The following DNAAF5 variants were observed in gnomAD, a reference collection of about 807,000 sequenced individuals.
DNAAF5 encodes the protein HEAT repeat containing 2.
DNAAF5 carries 64 observed loss-of-function variants against 75.8 expected under a neutral mutation model. That is an observed-to-expected ratio of 0.84 (90% confidence interval 0.69 to 1.04). The LOEUF is 1.04. Among genes scored for constraint, DNAAF5 ranks in the 50% least tolerant of loss-of-function variants. The pLI is 0.00. For synonymous variants in DNAAF5, 657 were observed against 557.2 expected (o/e 1.18, Z -2.52); for missense variants, 1,269 against 1,178.5 (o/e 1.08, Z -1.12).
At chr7:751,480 A>G (rs1305721868) in intron 4 of DNAAF5, among the ~76,000 whole-genome samples, 1 of 151,544 alleles carries the variant, frequency 6.6e-6, no homozygotes, top group Non-Finnish European at 1.5e-5. Context: ...AGCCTGGGTG[A>G]CAGAGTGAGA....
At chr7:732,244 A>G (rs1781608825) in intron 2 of DNAAF5, among the ~76,000 whole-genome samples, 3 of 152,200 alleles carry the variant, frequency 2.0e-5, no homozygotes, top group South Asian at 2.1e-4. Context: ...GGGCTAATGC[A>G]TCTCCCCACG....
At chr7:734,580 A>G (rs961420083) in intron 2 of DNAAF5, among the ~76,000 whole-genome samples, 7 of 152,210 alleles carry the variant, frequency 4.6e-5, no homozygotes, top group African/African-American at 1.7e-4. Flanking sequence ...TCAGGGTAGT[A>G]CTGGCCTCAT....
intron 11 of DNAAF5, chr7:778,614 C>T (rs1778840164): frequency 2.0e-5 from 3 of 152,322 alleles, no homozygotes; most frequent in South Asian, 4.1e-4. Flanking sequence ...CTTCCATAGT[C>T]GACCGCGCCA....
intron 6 of DNAAF5, 101 bp from the exon 7 acceptor site, chr7:761,652 A>C: frequency 7.8e-7 from 1 of 1,276,784 alleles, no homozygotes; most frequent in Non-Finnish European, 1.1e-6. Context: ...GGTCCCTCCC[A>C]GGATACGTGG....
chr7:762,036 A>G, intron 7 of DNAAF5, 140 bp downstream of exon 7: 1 of 292,118 alleles, frequency 3.4e-6, no homozygotes. Context: ...CTTGCGGGTG[A>G]GTCCCCGGGC....
In DNAAF5 at chr7:761,826, C is replaced by G. The variant is rs878855034; in HGVS notation, c.1544C>G (p.Ala515Gly). The G allele has an allele frequency of 6.2e-7, 1 of 1,606,324 alleles. No homozygotes were observed. The highest frequency in any genetic ancestry group is 8.5e-7 in the Non-Finnish European group (1 of 1,176,618). ...GTGTGTCATGAGGACTGTGGCGTGGCCAGCCTGCAGCTCTTGGACGTGCTG... is the reference window on the plus strand; with the variant it reads ...GTGTGTCATGAGGACTGTGGCGTGGGCAGCCTGCAGCTCTTGGACGTGCTG... ...VSVCHEDCGV[A>G]SLQLLDVLLT... The change falls in exon 7 of 13, where the codon GCC becomes GGC. Residue 515 changes from alanine to glycine, a missense_variant. Ala to Gly is a moderately conservative substitution (Grantham distance 60, BLOSUM62 0). Transcript: ENST00000297440.
At chr7:752,767 G>C (rs964562279) in intron 4 of DNAAF5, among the ~76,000 whole-genome samples, 1 of 152,240 alleles carries the variant, frequency 6.6e-6, no homozygotes, top group Admixed American at 6.5e-5. Context: ...TCAAAGGCCT[G>C]TTGAAAAAAC....
intron 4 of DNAAF5, among the ~76,000 whole-genome samples, chr7:749,348 A>G (rs1782217843): frequency 6.6e-6 from 1 of 152,200 alleles, no homozygotes; most frequent in Non-Finnish European, 1.5e-5. Context: ...AGCGTAAAGG[A>G]AAGCGTCTCG....
chr7:773,676 G>T (rs1778650617), intron 9 of DNAAF5, among the ~76,000 whole-genome samples: 1 of 152,188 alleles, frequency 6.6e-6, no homozygotes, highest in South Asian at 2.1e-4. Context: ...CTCACTGGGT[G>T]CTGCCGACAC....
In DNAAF5 at chr7:726,731, T is replaced by C. The variant is rs1314198845; in HGVS notation, c.11T>C (p.Leu4Pro). Residue 4 changes from leucine (L) to proline (P), a missense_variant, in exon 1 of 13, where the codon CTG becomes CCG. Coordinates refer to ENST00000297440, the MANE Select transcript of DNAAF5 (RefSeq NM_017802.4). The stretch of plus-strand genomic sequence containing the variant: ...GGCGACGCGGGCAAGATGGCGGCGC[T>C]GGGGGTGGCGGAGGCCGTGGCGGCC... MAALGVAEAVAAPH... is the reference protein window; with the variant it reads MAAPGVAEAVAAPH... The C allele has an allele frequency of 6.5e-6, 8 of 1,239,902 alleles. No homozygotes were observed. In the East Asian group the frequency reaches 1.6e-4, roughly 24 times the overall value. 76.8% of individuals were successfully genotyped at this position (1,239,902 alleles called of 1,614,324 possible).
At chr7:740,259 G>A (rs1781862574) in intron 2 of DNAAF5, among the ~76,000 whole-genome samples, 2 of 152,208 alleles carry the variant, frequency 1.3e-5, no homozygotes, top group Admixed American at 6.5e-5. Flanking sequence ...GCCTGCATAG[G>A]CAAGGTAGGC....
intron 2 of DNAAF5, among the ~76,000 whole-genome samples, chr7:737,734 G>C (rs1781781069): frequency 1.3e-5 from 2 of 152,170 alleles, no homozygotes; most frequent in Admixed American, 6.5e-5. Context: ...AATATGCCAA[G>C]CCACTGTCTC....
At chr7:762,882 G>A (rs1481993830) in intron 7 of DNAAF5, among the ~76,000 whole-genome samples, 2 of 152,196 alleles carry the variant, frequency 1.3e-5, no homozygotes, top group Non-Finnish European at 2.9e-5. Context: ...CCAAAGGGCT[G>A]GGATCATAGG....
intron 6 of DNAAF5, among the ~76,000 whole-genome samples, chr7:758,921 G>C (rs542845930): frequency 6.6e-6 from 1 of 152,248 alleles, no homozygotes; most frequent in African/African-American, 2.4e-5. Context: ...GACTTCAAGT[G>C]ATCAGCCCAC....
At position 754,136 on chromosome 7, in the gene DNAAF5, C is replaced by T. The variant is rs1196998370; in HGVS notation, c.1025-453C>T. Among the ~76,000 whole-genome samples, 1 of 152,176 alleles carries T rather than the reference C, an allele frequency of 6.6e-6. No homozygotes were observed. Among genetic ancestry groups the T allele is most frequent in the East Asian group, 1.9e-4 (1 of 5,198 alleles). The stretch of plus-strand genomic sequence containing the variant: ...TGATCATACACGTCAGCACGTGTGG[C>T]AAGTGTGTTGTTTGCATCTCTGTGT... On this transcript the variant is annotated intron_variant, in intron 4 of 12. Coordinates refer to ENST00000297440, the MANE Select transcript of DNAAF5 (RefSeq NM_017802.4). This position sits in a 1 kb window ranked among gnomAD's most constrained non-coding sequence, Gnocchi z 4.8.
intron 10 of DNAAF5, among the ~76,000 whole-genome samples, chr7:774,798 G>C (rs1280285910): frequency 6.6e-6 from 1 of 152,220 alleles, no homozygotes; most frequent in Non-Finnish European, 1.5e-5. Context: ...CCTAGGAGTT[G>C]TGAACAGTGT....
chr7:752,065 G>A (rs1286590586), intron 4 of DNAAF5, among the ~76,000 whole-genome samples: 2 of 152,194 alleles, frequency 1.3e-5, no homozygotes, highest in Admixed American at 1.3e-4. Context: ...GGGCCACGTG[G>A]TGTTGGCTTT....
At chr7:739,389 A>G (rs1470542254) in intron 2 of DNAAF5, among the ~76,000 whole-genome samples, 2 of 152,160 alleles carry the variant, frequency 1.3e-5, no homozygotes, top group Non-Finnish European at 2.9e-5. Context: ...TGCCGGCGCC[A>G]TGGGTGAAGA....
chr7:766,449 A>T (rs1282591831), intron 8 of DNAAF5, among the ~76,000 whole-genome samples: 1 of 152,262 alleles, frequency 6.6e-6, no homozygotes, highest in Non-Finnish European at 1.5e-5. Flanking sequence ...TATTTTAAAC[A>T]TACAGAAAGG....
Sources: allele counts gnomAD v4.1 joint callset (sites outside exome capture counted in the v4.1 genomes callset), GRCh38; gene constraint gnomAD v4.1.1; non-coding constraint Gnocchi (gnomAD v3.1); transcripts MANE v1.5; gene names NCBI Gene and HGNC (gene_info 2026-07-23, HGNC 2026-07-21).